Variants in ADGRB3 observed in about 807,000 individuals in gnomAD.
ADGRB3 encodes the protein adhesion G protein-coupled receptor B3, also known as brain-specific angiogenesis inhibitor 3.
Under a neutral mutation model 193.4 loss-of-function variants are expected in ADGRB3, and 37 were observed. The observed-to-expected ratio is 0.19, with a 90% CI of 0.15 to 0.25. The LOEUF (loss-of-function observed/expected upper bound fraction) is 0.25. ADGRB3 is among the 10% of genes least tolerant of loss of function. ADGRB3 has a pLI of 1.00. For synonymous variants in ADGRB3, 690 were observed against 644.2 expected, an observed-to-expected ratio of 1.07 and a Z score of -1.08; for missense variants, 1,637 against 1,852.9, an observed-to-expected ratio of 0.88 and a Z score of 2.14.
chr6:69,232,189 G>A (rs992795210), intron 17 of ADGRB3, among the ~76,000 whole-genome samples: 5 of 152,138 alleles, frequency 3.3e-5, no homozygotes, highest in Admixed American at 2.0e-4. Flanking sequence ...TCCATGCCTG[G>A]GGGAGGGGAG....
In ADGRB3 at chr6:69,074,825, G is replaced by A. The variant is rs530289352; in HGVS notation, c.2437-1170G>A. Among the ~76,000 whole-genome samples, 7 of 152,202 alleles carry A rather than the reference G, an allele frequency of 4.6e-5. No homozygotes were observed. In the East Asian group the frequency reaches 5.8e-4, roughly 13 times the overall value. Reference sequence around the variant, plus strand: ...CTCCCAAAGTGCTGGGATTACAGGCGTGAGCCACTGCGCCCGGCCTCAGGA... The same window carrying A: ...CTCCCAAAGTGCTGGGATTACAGGCATGAGCCACTGCGCCCGGCCTCAGGA... On this transcript the variant is annotated intron_variant, in intron 16 of 31. Transcript: ENST00000370598.
chr6:69,076,119 A>T, intron 17 of ADGRB3, 81 bp downstream of exon 17: 1 of 1,236,848 alleles, frequency 8.1e-7, no homozygotes, highest in Non-Finnish European at 1.2e-6. Context: ...CTGCTAGTTA[A>T]CAGGAATATA....
At chr6:68,875,771 A>G (rs1254607379) in intron 3 of ADGRB3, among the ~76,000 whole-genome samples, 3 of 152,138 alleles carry the variant, frequency 2.0e-5, no homozygotes, top group African/African-American at 7.2e-5. Flanking sequence ...CAAGTAAATA[A>G]TTTTGGTGTT....
intron 3 of ADGRB3, among the ~76,000 whole-genome samples, chr6:68,922,472 G>A (rs1767070406): frequency 1.3e-5 from 2 of 152,176 alleles, no homozygotes; most frequent in South Asian, 2.1e-4. Context: ...TTGAGGAAAC[G>A]AAACAACTCT....
chr6:68,785,241 G>A (rs886455092), intron 3 of ADGRB3, among the ~76,000 whole-genome samples: 7 of 151,618 alleles, frequency 4.6e-5, no homozygotes, highest in Non-Finnish European at 7.4e-5. Flanking sequence ...GGGCCATGTC[G>A]GTGTGCTGCA....
At position 69,162,047 on chromosome 6, in the gene ADGRB3, G is replaced by A. The variant is rs570808089; in HGVS notation, c.2481-71243G>A. ...GACCACACTCAGTGGGAAGGGGTTC[G>A]ATAAGATGTGAATACCAGGAATCAG... On this transcript the variant is annotated intron_variant, in intron 17 of 31. Transcript: ENST00000370598. Among the ~76,000 whole-genome samples, 5 of 152,174 alleles carry A rather than the reference G, an allele frequency of 3.3e-5. No individual in the cohort carries two copies. In the South Asian group the frequency reaches 6.2e-4, roughly 19 times the overall value.
At chr6:68,672,952 C>G (rs1769002317) in intron 3 of ADGRB3, among the ~76,000 whole-genome samples, 1 of 152,010 alleles carries the variant, frequency 6.6e-6, no homozygotes, top group Non-Finnish European at 1.5e-5. Context: ...CATCTTCAGA[C>G]CACAGGAATG....
chr6:69,293,099 G>A (rs1229521586), intron 20 of ADGRB3, among the ~76,000 whole-genome samples: 1 of 152,150 alleles, frequency 6.6e-6, no homozygotes, highest in African/African-American at 2.4e-5. Context: ...TCCAACATTT[G>A]CAGGCCCCAG....
At chr6:68,902,433 A>T (rs1342195111) in intron 3 of ADGRB3, among the ~76,000 whole-genome samples, 1 of 152,090 alleles carries the variant, frequency 6.6e-6, no homozygotes, top group Non-Finnish European at 1.5e-5. Flanking sequence ...CTAGAAACTG[A>T]TTTCTTCATT....
At chr6:68,659,937 A>T (rs1477329640) in intron 3 of ADGRB3, among the ~76,000 whole-genome samples, 1 of 151,036 alleles carries the variant, frequency 6.6e-6, no homozygotes, top group African/African-American at 2.4e-5. Context: ...ATTTTCCTTG[A>T]AAAACAAATT....
chr6:69,210,070 C>A (rs1765623990), intron 17 of ADGRB3, among the ~76,000 whole-genome samples: 1 of 147,576 alleles, frequency 6.8e-6, no homozygotes, highest in African/African-American at 2.5e-5. Flanking sequence ...AATCAGGGTT[C>A]TCTAGAGGGA....
intron 17 of ADGRB3, among the ~76,000 whole-genome samples, chr6:69,210,149 C>CTCAT (rs369330249): frequency 1.3e-5 from 1 of 78,940 alleles, no homozygotes; most frequent in Non-Finnish European, 2.5e-5. Context: ...TAATATATAT[C>CTCAT]ATATATATAT....
rs116838294 is a variant in ADGRB3, at chr6:68,808,472, A to T, written c.758-122087A>T. ...TCTAACTATACATTTACTATGTTTCAGTTATTTTCAAATCTAATCCATTTT... is the reference window on the plus strand; with the variant it reads ...TCTAACTATACATTTACTATGTTTCTGTTATTTTCAAATCTAATCCATTTT... On this transcript the variant is annotated intron_variant, in intron 3 of 31. Transcript: ENST00000370598. Among the ~76,000 whole-genome samples, 349 of 151,080 alleles carry T rather than the reference A, an allele frequency of 2.3e-3. 1 individual carries two copies. The highest frequency in any genetic ancestry group is 8.1e-3 in the African/African-American group (332 of 41,132).
intron 17 of ADGRB3, among the ~76,000 whole-genome samples, chr6:69,198,065 C>A (rs1166231561): frequency 6.6e-6 from 1 of 151,952 alleles, no homozygotes; most frequent in Non-Finnish European, 1.5e-5. Context: ...ATATTTTCCA[C>A]TTCTTGTGTT....
chr6:69,245,459 G>C (rs1230514758), intron 20 of ADGRB3, among the ~76,000 whole-genome samples: 5 of 152,038 alleles, frequency 3.3e-5, no homozygotes, highest in Admixed American at 6.6e-5. Context: ...TCGTACAAGA[G>C]AAAAACTTCT....
In ADGRB3 at chr6:69,161,762, T is replaced by C. The variant is rs1774992988; in HGVS notation, c.2481-71528T>C. ...TCCCTCATGACGTTATTGACATGGT[T>C]CAGTTACTCTCCAGTTATTGAACTG... On this transcript the variant is annotated intron_variant, in intron 17 of 31. Coordinates refer to ENST00000370598, the MANE Select transcript of ADGRB3 (RefSeq NM_001704.3). Among the ~76,000 whole-genome samples, 3 of 152,082 alleles carry C rather than the reference T, an allele frequency of 2.0e-5. No homozygotes were observed. The South Asian group carries it at 6.2e-4, about 32-fold the overall frequency.
chr6:69,186,486 A>G (rs1314298126), intron 17 of ADGRB3, among the ~76,000 whole-genome samples: 1 of 152,052 alleles, frequency 6.6e-6, no homozygotes, highest in East Asian at 1.9e-4. Flanking sequence ...GAACGAGAAT[A>G]CAAGTAATGC....
intron 11 of ADGRB3, among the ~76,000 whole-genome samples, chr6:68,998,798 T>C (rs979588591): frequency 1.3e-5 from 2 of 152,226 alleles, no homozygotes; most frequent in Non-Finnish European, 2.9e-5. Flanking sequence ...ATGCAACATA[T>C]GCAGCTGTAC....
At chr6:69,097,472 C>T (rs920126184) in intron 17 of ADGRB3, among the ~76,000 whole-genome samples, 1 of 152,056 alleles carries the variant, frequency 6.6e-6, no homozygotes, top group Non-Finnish European at 1.5e-5. Context: ...GGTACAAATG[C>T]AATATATCTA....
Sources: allele counts gnomAD v4.1 joint callset (sites outside exome capture counted in the v4.1 genomes callset), GRCh38; gene constraint gnomAD v4.1.1; transcripts MANE v1.5; gene names NCBI Gene and HGNC (gene_info 2026-07-23, HGNC 2026-07-21).